Variants in BABAM2 observed in about 807,000 individuals in gnomAD.
BABAM2 encodes the protein BRISC and BRCA1-A complex member 2.
Under a neutral mutation model 54.7 loss-of-function variants are expected in BABAM2, and 31 were observed. The ratio of observed to expected loss-of-function variants is 0.57; its 90% CI spans 0.43 to 0.77. The LOEUF is 0.77. Ranked by LOEUF, BABAM2 falls within the 30% of genes least tolerant of loss-of-function variation. The pLI, the probability that BABAM2 is intolerant of heterozygous loss-of-function variation, is 0.00. For missense variants in BABAM2, 364 were observed against 455.8 expected (o/e 0.80, Z 1.83); for synonymous variants, 167 against 162.9 (o/e 1.03, Z -0.19).
intron 3 of BABAM2, chr2:27,930,114 A>G (rs1573193642): frequency 6.2e-6 from 3 of 485,130 alleles, no homozygotes; most frequent in East Asian, 3.5e-5. Context: ...TTAAATAGGC[A>G]TGCACAGAAA....
intron 7 of BABAM2, among the ~76,000 whole-genome samples, chr2:28,197,937 A>G (rs898449246): frequency 2.6e-5 from 4 of 152,162 alleles, no homozygotes; most frequent in Admixed American, 2.6e-4. Flanking sequence ...TGATAACCTA[A>G]TTAGGTGTAG....
chr2:28,074,000 TACACATATATACAC>T lies in BABAM2; in HGVS notation c.570+28217_570+28230del, dbSNP rs1166244839. On this transcript the variant is annotated intron_variant, in intron 6 of 11. Coordinates refer to ENST00000379624, the MANE Select transcript of BABAM2 (RefSeq NM_199191.3). ...ACATATACATAGATACGTATATATT[TACACATATATACAC>T]ACACATATATACACATATATATACA... Among the ~76,000 whole-genome samples, 619 of 152,110 alleles carry T rather than the reference TACACATATATACAC, an allele frequency of 4.1e-3. 3 individuals carry two copies. The highest frequency in any genetic ancestry group is 0.013 in the African/African-American group (538 of 41,402).
At chr2:28,250,943 T>C (rs149474211) in intron 10 of BABAM2, among the ~76,000 whole-genome samples, 8 of 152,342 alleles carry the variant, frequency 5.3e-5, no homozygotes, top group African/African-American at 1.9e-4. Context: ...TCTTTGGATT[T>C]TGCCCTGCAC....
At chr2:28,107,940 G>T (rs909382638) in intron 6 of BABAM2, among the ~76,000 whole-genome samples, 3 of 152,180 alleles carry the variant, frequency 2.0e-5, no homozygotes, top group African/African-American at 7.2e-5. Flanking sequence ...CAGGAGAAAA[G>T]AAAAAGAATC....
At chr2:28,297,486 A>G (rs368978606) in intron 10 of BABAM2, among the ~76,000 whole-genome samples, 3 of 152,284 alleles carry the variant, frequency 2.0e-5, no homozygotes, top group East Asian at 3.9e-4. Flanking sequence ...TGTGTTTTTA[A>G]TGATGATTTG....
At chr2:28,070,443 A>G (rs1664018297) in intron 6 of BABAM2, among the ~76,000 whole-genome samples, 1 of 152,122 alleles carries the variant, frequency 6.6e-6, no homozygotes, top group African/African-American at 2.4e-5. Flanking sequence ...AAAAATCCTC[A>G]GGGAGGTTTT....
chr2:28,047,649 C>A (rs530938683), intron 6 of BABAM2, among the ~76,000 whole-genome samples: 51 of 152,074 alleles, frequency 3.4e-4, no homozygotes, highest in Non-Finnish European at 6.5e-4. Context: ...ATTTTCCTTG[C>A]CAGTCAGTTA....
At chr2:28,105,992 A>G (rs536611155) in intron 6 of BABAM2, among the ~76,000 whole-genome samples, 21 of 151,994 alleles carry the variant, frequency 1.4e-4, no homozygotes, top group African/African-American at 1.2e-4. Context: ...GAAAATTTCA[A>G]ACGATCTCAA....
In BABAM2 at chr2:27,968,525, G is replaced by C. The variant is rs546888451; in HGVS notation, c.206-19468G>C. 3.8e-4 allele frequency among the ~76,000 whole-genome samples: 58 copies of C among 152,350 alleles called. 1 individual carries two copies. The highest frequency in any genetic ancestry group is 7.4e-4 in the Non-Finnish European group (50 of 68,022). ...AATGTGGGGTTGGAGCCCCCACACA[G>C]AGTTCCTACTGGGGCACCGCCTAGT... On this transcript the variant is annotated intron_variant, in intron 3 of 11. Transcript: ENST00000379624.
intron 2 of BABAM2, among the ~76,000 whole-genome samples, chr2:27,905,279 A>G (rs186897809): frequency 2.8e-4 from 42 of 152,278 alleles, no homozygotes; most frequent in African/African-American, 9.9e-4. Context: ...AGGGGTTGGA[A>G]CACAGGAAGC....
chr2:28,300,587 G>A (rs1347556886), intron 11 of BABAM2, among the ~76,000 whole-genome samples: 5 of 152,162 alleles, frequency 3.3e-5, no homozygotes, highest in Admixed American at 6.5e-5. Flanking sequence ...TTTGTGGTAC[G>A]TGCTGAACCA....
rs879269067 is a variant in BABAM2, at chr2:28,261,496, A to AT, written c.934+16644dup. ...AGGCGCCCGCCACCACACCCGGTTA[A>AT]TTTTTTTTTTGTATTTTTAGTAGAG... On this transcript the variant is annotated intron_variant, in intron 10 of 11. Coordinates refer to ENST00000379624, the MANE Select transcript of BABAM2 (RefSeq NM_199191.3). Among the ~76,000 whole-genome samples the AT allele has an allele frequency of 5.9e-3, 868 of 148,246 alleles. 10 individuals carry two copies. Among genetic ancestry groups the AT allele is most frequent in the African/African-American group, 0.019 (782 of 40,550 alleles).
At chr2:28,295,723 C>T (rs1687631919) in intron 10 of BABAM2, among the ~76,000 whole-genome samples, 1 of 152,106 alleles carries the variant, frequency 6.6e-6, no homozygotes, top group Admixed American at 6.5e-5. Context: ...TCTCGAACTC[C>T]TCACCTCAGG....
chr2:27,936,889 G>A (rs1467589491), intron 3 of BABAM2, among the ~76,000 whole-genome samples: 4 of 151,884 alleles, frequency 2.6e-5, no homozygotes, highest in African/African-American at 9.7e-5. Context: ...CATGGCACAT[G>A]TATACATATG....
At chr2:28,151,829 T>C (rs1178879582) in intron 7 of BABAM2, among the ~76,000 whole-genome samples, 1 of 152,204 alleles carries the variant, frequency 6.6e-6, no homozygotes, top group Non-Finnish European at 1.5e-5. Flanking sequence ...AATCTTTTCT[T>C]GGAGAGAAGA....
rs1360883175 is a variant in BABAM2 at position 28,196,321 on chromosome 2, C to CGTCTCAAAAA, written c.681-40881_681-40880insGTCTCAAAAA. Among the ~76,000 whole-genome samples the CGTCTCAAAAA allele has an allele frequency of 6.5e-5, 7 of 107,686 alleles. 1 individual carries two copies. Among genetic ancestry groups the CGTCTCAAAAA allele is most frequent in the Non-Finnish European group, 1.5e-4 (6 of 40,932 alleles). 70.6% of individuals were successfully genotyped at this position (107,686 alleles called of 152,430 possible). A position where few individuals can be genotyped will look rare whatever the true frequency, so the allele number is the denominator to read the frequency against. On this transcript the variant is annotated intron_variant, in intron 7 of 11. Transcript: ENST00000379624. ...CAGCCTGGGCAACAGAGCAAGACTC[C>CGTCTCAAAAA]ATATAAAAAAAAAATGAATTTTTTA...
intron 4 of BABAM2, among the ~76,000 whole-genome samples, chr2:28,012,788 A>G (rs938736768): frequency 1.3e-5 from 2 of 152,180 alleles, no homozygotes; most frequent in African/African-American, 2.4e-5. Flanking sequence ...TATTCTTTTC[A>G]TTCCTGTCCC....
chr2:27,969,953 A>G (rs1195277353), intron 3 of BABAM2, among the ~76,000 whole-genome samples: 2 of 152,178 alleles, frequency 1.3e-5, no homozygotes, highest in Non-Finnish European at 2.9e-5. Context: ...GGGAGGACGA[A>G]GGGAGTATGG....
At chr2:28,208,252 A>T (rs558174946) in intron 7 of BABAM2, among the ~76,000 whole-genome samples, 9 of 152,338 alleles carry the variant, frequency 5.9e-5, no homozygotes, top group African/African-American at 2.2e-4. Context: ...TCCCAGCTCA[A>T]GATGTTGTGT....
Sources: gnomAD v4.1 joint callset for allele counts (sites outside exome capture counted in the v4.1 genomes callset) on GRCh38, gnomAD v4.1.1 for gene constraint, MANE v1.5 for transcripts, NCBI Gene and HGNC (gene_info 2026-07-23, HGNC 2026-07-21) for gene names.